LYST: variants seen among roughly 807,000 people sequenced by gnomAD.
The protein encoded by LYST is lysosomal trafficking regulator.
In LYST, 192 loss-of-function variants were observed where a neutral mutation model predicts 413.6. That is an observed-to-expected ratio of 0.46 (90% confidence interval 0.41 to 0.52). LYST has a LOEUF of 0.52. Among genes scored for constraint, LYST ranks in the 20% least tolerant of loss-of-function variants. The pLI, the probability that LYST is intolerant of heterozygous loss-of-function variation, is 0.00. For synonymous variants in LYST, 1,525 were observed against 1,567.3 expected, an observed-to-expected ratio of 0.97 and a Z score of 0.64; for missense variants, 3,815 against 4,499.9, an observed-to-expected ratio of 0.85 and a Z score of 4.35.
At chr1:235,835,612 C>A (rs1676489739) in intron 1 of LYST, among the ~76,000 whole-genome samples, 1 of 152,218 alleles carries the variant, frequency 6.6e-6, no homozygotes, top group Non-Finnish European at 1.5e-5. Flanking sequence ...ATTCTAACCA[C>A]CAGCACAGTC....
At chr1:235,852,466 T>C (rs1033140217) in intron 1 of LYST, among the ~76,000 whole-genome samples, 7 of 152,192 alleles carry the variant, frequency 4.6e-5, no homozygotes, top group Admixed American at 3.3e-4. Context: ...TCTCAGCACT[T>C]TGCCGGACCT....
chr1:235,788,687 A>G lies in LYST; in HGVS notation c.4688+14T>C, dbSNP rs756128301. On this transcript the variant is annotated intron_variant, in intron 13 of 52. Transcript: ENST00000389793. ...TACATTATCTATTCATGGGAGGCTGAGGATAATCAATACCGAAAGATAAGA... is the reference window on the plus strand; with the variant it reads ...TACATTATCTATTCATGGGAGGCTGGGGATAATCAATACCGAAAGATAAGA... The G allele has an allele frequency of 1.3e-5, 21 of 1,612,146 alleles. No individual in the cohort carries two copies. In the South Asian group the frequency reaches 2.1e-4, roughly 16 times the overall value.
At chr1:235,802,222 T>C (rs1186695205) in intron 8 of LYST, among the ~76,000 whole-genome samples, 24 of 110,442 alleles carry the variant, frequency 2.2e-4, no homozygotes, top group African/African-American at 8.8e-4. Flanking sequence ...AAAAAAAAAC[T>C]AGCAGTACTG....
intron 1 of LYST, chr1:235,840,168 T>C (rs1677057651): frequency 3.3e-5 from 5 of 152,182 alleles, no homozygotes; most frequent in South Asian, 2.1e-4. Flanking sequence ...CTCAAGAAGA[T>C]TACATTACGG....
At chr1:235,821,746 AG>A (rs1674768523) in intron 3 of LYST, among the ~76,000 whole-genome samples, 1 of 152,262 alleles carries the variant, frequency 6.6e-6, no homozygotes, top group African/African-American at 2.4e-5. Context: ...AACTATTCTT[AG>A]CTTGTACATT....
intron 11 of LYST, among the ~76,000 whole-genome samples, chr1:235,793,063 G>T (rs1050028047): frequency 1.3e-5 from 2 of 152,116 alleles, no homozygotes; most frequent in African/African-American, 4.8e-5. Context: ...TATAAAAATG[G>T]GTTTCCTAGC....
intron 1 of LYST, among the ~76,000 whole-genome samples, chr1:235,846,158 T>C (rs1339111296): frequency 6.6e-6 from 1 of 152,138 alleles, no homozygotes; most frequent in Non-Finnish European, 1.5e-5. Context: ...GGCGCTGGTA[T>C]CCATGGCTGA....
intron 1 of LYST, among the ~76,000 whole-genome samples, chr1:235,833,950 G>A (rs189328742): frequency 1.2e-3 from 188 of 152,206 alleles, no homozygotes; most frequent in African/African-American, 4.4e-3. Context: ...AACTGCAAAG[G>A]AGAATTAGAC....
chr1:235,752,304 G>A (rs1253705904), intron 26 of LYST, 133 bp from the exon 27 acceptor site: 2 of 647,756 alleles, frequency 3.1e-6, no homozygotes, highest in African/African-American at 3.6e-5. Context: ...CAGTCATTCA[G>A]TATTTATTCA....
At chr1:235,799,695 A>AGATT (rs1320157906) in intron 10 of LYST, among the ~76,000 whole-genome samples, 1 of 152,144 alleles carries the variant, frequency 6.6e-6, no homozygotes, top group Non-Finnish European at 1.5e-5. Context: ...TACCAAGTAC[A>AGATT]GATTAATCAA....
At position 235,800,391 on chromosome 1, in the gene LYST, A is replaced by G. The variant is rs757967032; in HGVS notation, c.3940-5T>C. The G allele has an allele frequency of 4.1e-5, 62 of 1,509,178 alleles. No individual in the cohort carries two copies. In the Admixed American group the frequency reaches 1.0e-3, roughly 25 times the overall value. The allele number at this position is 1,509,178 out of a possible 1,614,324, so 93.5% of individuals were successfully genotyped here. ...TAAAAGATTTTTCACAGTTCCCTGA[A>G]GATTAAAAAAAATACAAAATTAAAT... is the stretch of plus-strand genomic sequence containing the variant. On this transcript the variant is annotated splice_region_variant and splice_polypyrimidine_tract_variant and intron_variant, in intron 9 of 52. Transcript: ENST00000389793.
intron 31 of LYST, among the ~76,000 whole-genome samples, chr1:235,740,970 T>C (rs552544434): frequency 6.6e-5 from 10 of 152,332 alleles, no homozygotes; most frequent in Admixed American, 6.5e-4. Context: ...GAAATTCTTT[T>C]AGGTATTTTG....
At chr1:235,704,353 A>G (rs1291303279) in intron 44 of LYST, among the ~76,000 whole-genome samples, 3 of 152,190 alleles carry the variant, frequency 2.0e-5, no homozygotes, top group Non-Finnish European at 4.4e-5. Flanking sequence ...CAGTGGTTGA[A>G]CTAATTTACA....
chr1:235,737,957 G>T (rs1280511836), intron 31 of LYST: 25 of 1,273,626 alleles, frequency 2.0e-5, no homozygotes, highest in South Asian at 2.6e-5. Context: ...CCCGCCGGAC[G>T]TGCATTCTCG....
chr1:235,807,487 A>T (rs1672987014), intron 5 of LYST, among the ~76,000 whole-genome samples: 1 of 152,226 alleles, frequency 6.6e-6, no homozygotes, highest in Non-Finnish European at 1.5e-5. Flanking sequence ...CTTTCAAATC[A>T]GTCAGTTCTA....
intron 3 of LYST, among the ~76,000 whole-genome samples, chr1:235,822,198 A>AGC: frequency 6.6e-6 from 1 of 152,208 alleles, no homozygotes; most frequent in Non-Finnish European, 1.5e-5. Flanking sequence ...AAAGCTGTAT[A>AGC]TTATGGGCTA....
chr1:235,691,074 G>T (rs1463267190), intron 47 of LYST, among the ~76,000 whole-genome samples: 1 of 151,880 alleles, frequency 6.6e-6, no homozygotes, highest in Non-Finnish European at 1.5e-5. Flanking sequence ...CCGCCACCAC[G>T]CCCAGCTAAT....
chr1:235,711,625 G>A (rs1327198122), intron 43 of LYST, among the ~76,000 whole-genome samples: 2 of 152,082 alleles, frequency 1.3e-5, no homozygotes, highest in African/African-American at 4.8e-5. Flanking sequence ...ATTCCTTTTG[G>A]TTATTAGATA....
At chr1:235,673,711 G>T (rs575654471) in intron 50 of LYST, among the ~76,000 whole-genome samples, 1 of 152,204 alleles carries the variant, frequency 6.6e-6, no homozygotes, top group African/African-American at 2.4e-5. Context: ...TTTGAAATGC[G>T]CTTTGTTTCT....
Sources: allele counts gnomAD v4.1 joint callset (sites outside exome capture counted in the v4.1 genomes callset), GRCh38; gene constraint gnomAD v4.1.1; transcripts MANE v1.5; gene names NCBI Gene and HGNC (gene_info 2026-07-23, HGNC 2026-07-21).